TRPA1: variants seen among roughly 807,000 people sequenced by gnomAD.
The protein encoded by TRPA1 is transient receptor potential cation channel subfamily A member 1.
A neutral mutation model predicts 131.3 loss-of-function variants in TRPA1; 129 were observed. The observed-to-expected ratio is 0.98, with a 90% CI of 0.85 to 1.14. TRPA1 has a LOEUF of 1.14. Ranked by LOEUF, TRPA1 falls within the 50% of genes most tolerant of loss-of-function variation. The pLI, the probability that TRPA1 is intolerant of heterozygous loss-of-function variation, is 0.00. For synonymous variants in TRPA1, 441 were observed against 451.7 expected (o/e 0.98, Z 0.30); for missense variants, 1,304 against 1,354.2 (o/e 0.96, Z 0.58).
intron 17 of TRPA1, among the ~76,000 whole-genome samples, chr8:72,044,525 G>A (rs1319267398): frequency 2.0e-5 from 3 of 151,932 alleles, no homozygotes; most frequent in African/African-American, 7.2e-5. Context: ...CAAGTACATT[G>A]TTAAGTTTAA....
At chr8:72,028,962 C>A (rs1013745157) in intron 24 of TRPA1, among the ~76,000 whole-genome samples, 2 of 152,174 alleles carry the variant, frequency 1.3e-5, no homozygotes, top group African/African-American at 4.8e-5. Flanking sequence ...TGCGTATAGT[C>A]AACTGGTCAC....
intron 24 of TRPA1, among the ~76,000 whole-genome samples, chr8:72,029,548 G>C (rs752267299): frequency 6.6e-6 from 1 of 152,274 alleles, no homozygotes; most frequent in African/African-American, 2.4e-5. Context: ...TTAAATAAAC[G>C]TGATGCAGAC....
chr8:72,045,004 C>T (rs1041409014), intron 17 of TRPA1, among the ~76,000 whole-genome samples: 1 of 151,736 alleles, frequency 6.6e-6, no homozygotes, highest in South Asian at 2.1e-4. Context: ...ACATTTTTTT[C>T]TGATAGAAGT....
At chr8:72,057,601 G>A in intron 9 of TRPA1, 116 bp downstream of exon 9, 2 of 834,432 alleles carry the variant, frequency 2.4e-6, no homozygotes, top group Non-Finnish European at 4.2e-6. Context: ...CCTGGCCCAG[G>A]GCCTGGCACA....
In TRPA1 at chr8:72,071,726, C is replaced by A. The variant is rs1806065465; in HGVS notation, c.253G>T (p.Asp85Tyr). ...ATTTTGTTACCTTCCAAAGAGGAAT[C>A]TCTGGTGATCTTCTCCATTAGCTCA... ...QIELMEKITR[D>Y]SSLEVLHEMD... The change falls in exon 2 of 27, where the codon GAT becomes TAT. Residue 85 changes from aspartate (D) to tyrosine (Y), a missense_variant. Coordinates refer to ENST00000262209, the MANE Select transcript of TRPA1 (RefSeq NM_007332.3). The A allele has an allele frequency of 6.2e-7, 1 of 1,613,632 alleles. No homozygotes were observed. Among genetic ancestry groups the A allele is most frequent in the African/African-American group, 1.3e-5 (1 of 74,914 alleles).
chr8:72,064,884 G>A (rs534407934), intron 4 of TRPA1, among the ~76,000 whole-genome samples: 1 of 152,012 alleles, frequency 6.6e-6, no homozygotes, highest in South Asian at 2.1e-4. Context: ...ACTGGACCAC[G>A]CCAGGAAGCC....
chr8:72,083,300 T>A, the TRPA1 span, among the ~76,000 whole-genome samples: 2 of 152,214 alleles, frequency 1.3e-5, no homozygotes, highest in Non-Finnish European at 2.9e-5. Flanking sequence ...CAAATAGAAT[T>A]AGTTTCTGTT....
At chr8:72,041,808 AAAG>A (rs1192160266) in intron 17 of TRPA1, among the ~76,000 whole-genome samples, 4 of 151,780 alleles carry the variant, frequency 2.6e-5, no homozygotes, top group East Asian at 3.9e-4. Flanking sequence ...GGAAATAAAG[AAAG>A]AAGAACAGAC....
chr8:72,055,435 C>A lies in TRPA1; in HGVS notation c.1529+1G>T, dbSNP rs751782349. The A allele has an allele frequency of 3.7e-6, 6 of 1,611,714 alleles. No individual in the cohort carries two copies. The highest frequency in any genetic ancestry group is 5.1e-6 in the Non-Finnish European group (6 of 1,178,160). On this transcript the variant is annotated splice_donor_variant, in intron 12 of 26. Coordinates refer to ENST00000262209, the MANE Select transcript of TRPA1 (RefSeq NM_007332.3). LOFTEE classifies it high-confidence loss of function. ...TAAACACTCCAATCATATATCCTCACCTGAGAAACAATGCACCTTTTTTCA... is the reference window on the plus strand; with the variant it reads ...TAAACACTCCAATCATATATCCTCAACTGAGAAACAATGCACCTTTTTTCA...
At chr8:72,063,403 A>T in intron 5 of TRPA1, 60 bp downstream of exon 5, 1 of 1,248,164 alleles carries the variant, frequency 8.0e-7, no homozygotes, top group Non-Finnish European at 1.2e-6. Flanking sequence ...AAATCAAATT[A>T]ATAGCATCCA....
intron 17 of TRPA1, among the ~76,000 whole-genome samples, chr8:72,041,825 A>G (rs368523405): frequency 6.6e-5 from 10 of 151,838 alleles, no homozygotes; most frequent in African/African-American, 2.4e-4. Flanking sequence ...AACAGACTAA[A>G]CCTAAGATTA....
intron 12 of TRPA1, chr8:72,054,123 C>T: frequency 2.1e-6 from 1 of 482,408 alleles, no homozygotes; most frequent in South Asian, 2.2e-5. Flanking sequence ...AAACACATTA[C>T]CAAACACTTT....
rs531455380 is a variant in TRPA1, at chr8:72,036,214, C to T, written c.2555+74G>A. Reference sequence around the variant, plus strand: ...AAGGAATAAGCCAGTTTTAAATTTACACCAGGTACAATAGTTTTTCTTTTG... The same window carrying T: ...AAGGAATAAGCCAGTTTTAAATTTATACCAGGTACAATAGTTTTTCTTTTG... On this transcript the variant is annotated intron_variant, in intron 21 of 26. Coordinates refer to ENST00000262209, the MANE Select transcript of TRPA1 (RefSeq NM_007332.3). 29 of 1,485,828 alleles carry T rather than the reference C, an allele frequency of 2.0e-5. No individual in the cohort carries two copies. In the East Asian group the frequency reaches 5.2e-4, roughly 27 times the overall value. The allele number at this position is 1,485,828 out of a possible 1,614,324, so 92.0% of individuals were successfully genotyped here. A position where few individuals can be genotyped will look rare whatever the true frequency, so the allele number is the denominator to read the frequency against.
intron 15 of TRPA1, among the ~76,000 whole-genome samples, chr8:72,048,078 A>C (rs1805393340): frequency 6.6e-6 from 1 of 151,980 alleles, no homozygotes; most frequent in African/African-American, 2.4e-5. Flanking sequence ...AGATGTTGTA[A>C]TGAGAAATAG....
rs750863390 is a variant in TRPA1, at chr8:72,033,716, T to C, written c.2796A>G (p.Ala932=). The change falls in exon 23 of 27, where the codon GCA becomes GCG. Residue 932 remains alanine, a synonymous_variant. Transcript: ENST00000262209. Reference sequence around the variant, plus strand: ...GTTGTGCAAAGGACAGAACTGGATGTGCCAATTCATTTCTCAGATATGGTT... The same window carrying C: ...GTTGTGCAAAGGACAGAACTGGATGCGCCAATTCATTTCTCAGATATGGTT... ...FLEPYLRNEL[A]HPVLSFAQLV... The C allele has an allele frequency of 1.9e-6, 3 of 1,614,106 alleles. No individual in the cohort carries two copies. Among genetic ancestry groups the C allele is most frequent in the South Asian group, 2.2e-5 (2 of 91,088 alleles).
chr8:72,033,326 TA>T (rs749563962), intron 23 of TRPA1, among the ~76,000 whole-genome samples: 21 of 152,348 alleles, frequency 1.4e-4, no homozygotes, highest in Admixed American at 6.5e-4. Context: ...ATTTATTACC[TA>T]AATTCCTGAC....
chr8:72,067,503 C>T (rs530320951), intron 3 of TRPA1, among the ~76,000 whole-genome samples: 1 of 152,244 alleles, frequency 6.6e-6, no homozygotes, highest in South Asian at 2.1e-4. Context: ...TTTTCCATTT[C>T]TATGTGATAC....
chr8:72,052,450 A>G, intron 14 of TRPA1, 149 bp downstream of exon 14: 1 of 897,846 alleles, frequency 1.1e-6, no homozygotes, highest in Non-Finnish European at 1.7e-6. Context: ...TAAAAAATAA[A>G]AAACCTTTAA....
chr8:72,067,825 C>A (rs1203611322), intron 3 of TRPA1, among the ~76,000 whole-genome samples: 5 of 152,136 alleles, frequency 3.3e-5, no homozygotes, highest in African/African-American at 7.2e-5. Flanking sequence ...CTTCAGGGAG[C>A]CACCCTGACC....
Sources: gnomAD v4.1 joint callset for allele counts (sites outside exome capture counted in the v4.1 genomes callset) on GRCh38, gnomAD v4.1.1 for gene constraint, MANE v1.5 for transcripts, NCBI Gene and HGNC (gene_info 2026-07-23, HGNC 2026-07-21) for gene names.